DPYSL2: variants seen among roughly 807,000 people sequenced by gnomAD.
DPYSL2 encodes the protein dihydropyrimidinase-related protein 2.
DPYSL2 carries 13 observed loss-of-function variants against 69.9 expected under a neutral mutation model. The ratio of observed to expected loss-of-function variants is 0.19; its 90% CI spans 0.12 to 0.30. The LOEUF (loss-of-function observed/expected upper bound fraction) is 0.30. Among genes scored for constraint, DPYSL2 ranks in the 10% least tolerant of loss-of-function variants. DPYSL2 has a pLI of 1.00. For synonymous variants in DPYSL2, 326 were observed against 359.1 expected, an observed-to-expected ratio of 0.91 and a Z score of 1.04; for missense variants, 587 against 918.9, an observed-to-expected ratio of 0.64 and a Z score of 4.67.
chr8:26,612,868 T>G (rs1189160562), intron 3 of DPYSL2, among the ~76,000 whole-genome samples: 1 of 152,206 alleles, frequency 6.6e-6, no homozygotes, highest in African/African-American at 2.4e-5. Context: ...GCTCCCACAT[T>G]CTGTCTGCAC....
chr8:26,518,735 A>G (rs956786829), intron 1 of DPYSL2, among the ~76,000 whole-genome samples: 7 of 152,212 alleles, frequency 4.6e-5, no homozygotes, highest in Non-Finnish European at 1.0e-4. Flanking sequence ...TTTACTTAGC[A>G]TAATGCCCTT....
intron 1 of DPYSL2, among the ~76,000 whole-genome samples, chr8:26,542,159 A>T (rs866774920): frequency 2.0e-5 from 3 of 152,214 alleles, no homozygotes; most frequent in Admixed American, 6.5e-5. Context: ...GTGGTTGTGC[A>T]TGTCTGCAGT....
intron 4 of DPYSL2, among the ~76,000 whole-genome samples, chr8:26,625,016 A>G (rs1414162493): frequency 1.3e-5 from 2 of 152,054 alleles, no homozygotes; most frequent in Non-Finnish European, 2.9e-5. Context: ...TCAGGGAAAC[A>G]CCTATTGCTT....
At chr8:26,579,391 G>A (rs988126547) in intron 1 of DPYSL2, among the ~76,000 whole-genome samples, 2 of 152,218 alleles carry the variant, frequency 1.3e-5, no homozygotes, top group Non-Finnish European at 2.9e-5. Flanking sequence ...TCCCAGGGAG[G>A]GGGGAACACC....
Position 26,654,711 on chromosome 8 carries a change from A to G in DPYSL2, c.1943-904A>G, listed in dbSNP as rs1803344713. On this transcript the variant is annotated intron_variant, in intron 13 of 13. Coordinates refer to ENST00000521913, the MANE Select transcript of DPYSL2 (RefSeq NM_001197293.3). This position sits in a 1 kb window ranked among gnomAD's most constrained non-coding sequence, Gnocchi z 5.0. ...TTGACTAATCAGAACAGGGGACAGG[A>G]CAGAGTCTAAGATGTAGTGATATTT... Among the ~76,000 whole-genome samples the G allele has an allele frequency of 6.6e-6, 1 of 152,198 alleles. No individual in the cohort carries two copies. Among genetic ancestry groups the G allele is most frequent in the South Asian group, 2.1e-4 (1 of 4,828 alleles).
chr8:26,643,583 C>A lies in DPYSL2; in HGVS notation c.1271C>A (p.Ser424Tyr). ...PDPTTPDFLN[S>Y]LLSCGDLQVT... is the part of the protein sequence containing the mutation. ...CCAACCACTCCAGACTTTCTCAACT[C>A]CTTGCTGTCCTGGTGAGTCCTGGCG... The change falls in exon 9 of 14, where the codon TCC (serine) becomes TAC (tyrosine). Residue 424 changes from serine (S) to tyrosine (Y), a missense_variant. This residue lies in a region of DPYSL2 where 452 missense variants were observed against 754.3 expected (regional missense o/e 0.60). Coordinates refer to ENST00000521913, the MANE Select transcript of DPYSL2 (RefSeq NM_001197293.3). This position sits in a 1 kb window ranked among gnomAD's most constrained non-coding sequence, Gnocchi z 6.5. 1 of 1,614,196 alleles carries A rather than the reference C, an allele frequency of 6.2e-7. No individual in the cohort carries two copies. The highest frequency in any genetic ancestry group is 8.5e-7 in the Non-Finnish European group (1 of 1,180,024).
At chr8:26,603,244 C>T (rs1802033866) in intron 3 of DPYSL2, among the ~76,000 whole-genome samples, 1 of 152,142 alleles carries the variant, frequency 6.6e-6, no homozygotes, top group Admixed American at 6.5e-5. Context: ...CCGATCTTGG[C>T]TCACTACAAC....
At position 26,626,795 on chromosome 8, in the gene DPYSL2, G is replaced by A; in HGVS notation, c.855+117G>A. On this transcript the variant is annotated intron_variant, in intron 5 of 13. Transcript: ENST00000521913. The surrounding 1 kb of genome is among the most constrained non-coding windows in gnomAD (Gnocchi z 4.3). ...TTTCCTAGCTTCCTGGGAAGTGGCT[G>A]GTGGATGCAGTTACTGATGTAACTG... 1 of 1,077,280 alleles carries A rather than the reference G, an allele frequency of 9.3e-7. No individual in the cohort carries two copies. The highest frequency in any genetic ancestry group is 2.0e-5 in the Admixed American group (1 of 50,360). 66.7% of individuals were successfully genotyped at this position (1,077,280 alleles called of 1,614,324 possible).
At chr8:26,553,750 T>C (rs1262254218) in intron 1 of DPYSL2, among the ~76,000 whole-genome samples, 4 of 152,132 alleles carry the variant, frequency 2.6e-5, no homozygotes, top group Non-Finnish European at 5.9e-5. Context: ...AGTAGTGGGA[T>C]TGCTGGGTCG....
rs1397933783 is a variant in DPYSL2 at position 26,641,121 on chromosome 8, C to A, written c.1127-2318C>A. ...TTCCAAGAACCAGCCCCTCCTTGTA[C>A]TTAAGTTTCTAGAGGCAGGGCCGAG... On this transcript the variant is annotated intron_variant, in intron 8 of 13. Transcript: ENST00000521913. The surrounding 1 kb of genome is among the most constrained non-coding windows in gnomAD (Gnocchi z 4.1). Among the ~76,000 whole-genome samples the A allele has an allele frequency of 9.9e-5, 15 of 152,182 alleles. No homozygotes were observed. Among genetic ancestry groups the A allele is most frequent in the Admixed American group, 9.8e-4 (15 of 15,278 alleles).
intron 1 of DPYSL2, among the ~76,000 whole-genome samples, chr8:26,561,614 C>A (rs1412850225): frequency 6.6e-6 from 1 of 151,962 alleles, no homozygotes; most frequent in Non-Finnish European, 1.5e-5. Context: ...ATACAGCAGT[C>A]CCCAACTTTT....
rs1802868269 is a variant in DPYSL2, at chr8:26,634,843, A to G, written c.1069A>G (p.Ile357Val). ...IANQTNCPLY[I>V]TKVMSKSSAE... Reference sequence around the variant, plus strand: ...CAACCAGACCAACTGCCCGCTGTATATCACCAAGGTGATGAGCAAAAGCTC... The same window carrying G: ...CAACCAGACCAACTGCCCGCTGTATGTCACCAAGGTGATGAGCAAAAGCTC... Residue 357 changes from isoleucine (I) to valine (V), a missense_variant, in exon 8 of 14, where the codon ATC (isoleucine) becomes GTC (valine). This residue lies in a region of DPYSL2 where 452 missense variants were observed against 754.3 expected (regional missense o/e 0.60). Coordinates refer to ENST00000521913, the MANE Select transcript of DPYSL2 (RefSeq NM_001197293.3). 3 of 1,614,126 alleles carry G rather than the reference A, an allele frequency of 1.9e-6. No homozygotes were observed. The Admixed American group carries it at 5.0e-5, about 27-fold the overall frequency.
chr8:26,517,317 T>C lies in DPYSL2; in HGVS notation c.354+2638T>C, dbSNP rs1808309161. ...GTGCATTTGCAGGAACTAAATGAAA[T>C]TATATTCAGAGTATGAGCCAGACAG... On this transcript the variant is annotated intron_variant, in intron 1 of 13. Transcript: ENST00000521913. This position sits in a 1 kb window ranked among gnomAD's most constrained non-coding sequence, Gnocchi z 4.2. 6.6e-6 allele frequency among the ~76,000 whole-genome samples: 1 copy of C among 152,172 alleles called. No homozygotes were observed. The highest frequency in any genetic ancestry group is 2.4e-5 in the African/African-American group (1 of 41,442).
chr8:26,627,720 C>T lies in DPYSL2; in HGVS notation c.937-152C>T, dbSNP rs1307602187. The T allele has an allele frequency of 9.3e-6, 7 of 752,720 alleles. No individual in the cohort carries two copies. Among genetic ancestry groups the T allele is most frequent in the Non-Finnish European group, 1.6e-5 (7 of 450,280 alleles). 46.6% of individuals were successfully genotyped at this position (752,720 alleles called of 1,614,324 possible). A position where few individuals can be genotyped will look rare whatever the true frequency, so the allele number is the denominator to read the frequency against. ...GCGGGACTGGGAACAGGGCAGTGAA[C>T]CCTTCTCTTCATGAGGTCTTGGGAT... is the stretch of plus-strand genomic sequence containing the variant. On this transcript the variant is annotated intron_variant, in intron 6 of 13. Coordinates refer to ENST00000521913, the MANE Select transcript of DPYSL2 (RefSeq NM_001197293.3). The surrounding 1 kb of genome is among the most constrained non-coding windows in gnomAD (Gnocchi z 6.9).
chr8:26,555,991 T>G, intron 1 of DPYSL2, among the ~76,000 whole-genome samples: 1 of 111,950 alleles, frequency 8.9e-6, no homozygotes, highest in Non-Finnish European at 1.7e-5. Flanking sequence ...ATAGTATATA[T>G]AAATATATAG....
At chr8:26,606,485 C>T (rs543550941) in intron 3 of DPYSL2, among the ~76,000 whole-genome samples, 45 of 152,054 alleles carry the variant, frequency 3.0e-4, no homozygotes, top group African/African-American at 9.6e-4. Context: ...GTAGGACATT[C>T]GACTTGCAAT....
chr8:26,553,476 A>G (rs898050135), intron 1 of DPYSL2, among the ~76,000 whole-genome samples: 1 of 152,060 alleles, frequency 6.6e-6, no homozygotes, highest in African/African-American at 2.4e-5. Context: ...GGAATATGCA[A>G]TATTTGGTTT....
intron 1 of DPYSL2, among the ~76,000 whole-genome samples, chr8:26,526,377 G>A (rs1424554473): frequency 6.6e-6 from 1 of 152,184 alleles, no homozygotes; most frequent in African/African-American, 2.4e-5. Flanking sequence ...ACAGGAGTGA[G>A]CCACCTTGCC....
chr8:26,644,040 G>C lies in DPYSL2; in HGVS notation c.1374G>C (p.Glu458Asp). 1 of 1,614,214 alleles carries C rather than the reference G, an allele frequency of 6.2e-7. No homozygotes were observed. Among genetic ancestry groups the C allele is most frequent in the African/African-American group, 1.3e-5 (1 of 75,060 alleles). Reference sequence around the variant, plus strand: ...AGGACAACTTCACCCTGATTCCGGAGGGCACCAATGGCACTGAGGAGCGGA... The same window carrying C: ...AGGACAACTTCACCCTGATTCCGGACGGCACCAATGGCACTGAGGAGCGGA... Reference protein sequence around the residue: ...VGKDNFTLIPEGTNGTEERMS... With the variant: ...VGKDNFTLIPDGTNGTEERMS... Residue 458 changes from glutamate (E) to aspartate (D), a missense_variant, in exon 10 of 14, where the codon GAG becomes GAC. Transcript: ENST00000521913. This position sits in a 1 kb window ranked among gnomAD's most constrained non-coding sequence, Gnocchi z 4.5.
Sources: allele counts gnomAD v4.1 joint callset (sites outside exome capture counted in the v4.1 genomes callset), GRCh38; gene constraint gnomAD v4.1.1; regional missense constraint gnomAD v4.1.1; non-coding constraint Gnocchi (gnomAD v3.1); transcripts MANE v1.5; gene names NCBI Gene and HGNC (gene_info 2026-07-23, HGNC 2026-07-21).